The following SHANK2 variants were observed in gnomAD, a reference collection of about 807,000 sequenced individuals.
The protein encoded by SHANK2 is SH3 and multiple ankyrin repeat domains protein 2.
Under a neutral mutation model 133.7 loss-of-function variants are expected in SHANK2, and 43 were observed. The observed-to-expected ratio is 0.32, with a 90% confidence interval of 0.25 to 0.41. The LOEUF (loss-of-function observed/expected upper bound fraction) is 0.41, where lower values mean the gene tolerates loss of function less well. Among genes scored for constraint, SHANK2 ranks in the 10% least tolerant of loss-of-function variants. The pLI is 1.00. For synonymous variants in SHANK2, 1,017 were observed against 952.8 expected (o/e 1.07, Z -1.24); for missense variants, 1,994 against 2,235.8 (o/e 0.89, Z 2.18).
intron 6 of SHANK2, among the ~76,000 whole-genome samples, chr11:71,094,889 G>T (rs964772271): frequency 6.6e-6 from 1 of 152,228 alleles, no homozygotes; most frequent in African/African-American, 2.4e-5. Context: ...GCAGTGACAC[G>T]CAGGGCCACG....
At chr11:71,206,750 C>T (rs1954134296) in intron 2 of SHANK2, among the ~76,000 whole-genome samples, 1 of 152,120 alleles carries the variant, frequency 6.6e-6, no homozygotes. Context: ...ACCTGGGCAA[C>T]ATAGCAAGAC....
At chr11:71,178,673 A>T (rs1953491521) in intron 2 of SHANK2, among the ~76,000 whole-genome samples, 1 of 149,474 alleles carries the variant, frequency 6.7e-6, no homozygotes, top group Non-Finnish European at 1.5e-5. Context: ...AAGTAACTGG[A>T]TACAAAAAAG....
chr11:70,914,717 T>C (rs142212633), intron 10 of SHANK2, among the ~76,000 whole-genome samples: 107 of 145,528 alleles, frequency 7.4e-4, no homozygotes, highest in South Asian at 7.2e-3. Flanking sequence ...TAAAATAAAA[T>C]AAAACAAAAC....
intron 22 of SHANK2, 122 bp downstream of exon 22, chr11:70,492,213 C>A: frequency 1.4e-6 from 2 of 1,437,548 alleles, no homozygotes; most frequent in Admixed American, 1.7e-5. Context: ...AGATTTGGGC[C>A]CCACCTCTGG....
intron 11 of SHANK2, 70 bp from the exon 12 acceptor site, chr11:70,820,752 G>C: frequency 1.7e-6 from 1 of 605,868 alleles, no homozygotes; most frequent in South Asian, 1.9e-5. Flanking sequence ...GGGGACCCTA[G>C]GGAGGTGCAG....
At chr11:70,898,119 T>C (rs1949965372) in intron 10 of SHANK2, among the ~76,000 whole-genome samples, 2 of 151,832 alleles carry the variant, frequency 1.3e-5, no homozygotes, top group African/African-American at 4.8e-5. Flanking sequence ...TGTGCCACCA[T>C]GTCTGGCTAA....
At chr11:71,071,985 G>A (rs935141141) in intron 9 of SHANK2, among the ~76,000 whole-genome samples, 93 of 152,144 alleles carry the variant, frequency 6.1e-4, no homozygotes, top group Non-Finnish European at 7.5e-4. Flanking sequence ...CCCAGCCCAC[G>A]CTGCTCTGCC....
At chr11:70,688,801 A>G (rs189788562) in intron 15 of SHANK2, among the ~76,000 whole-genome samples, 110 of 151,822 alleles carry the variant, frequency 7.2e-4, no homozygotes, top group Non-Finnish European at 1.2e-3. Context: ...CCCTTTCATG[A>G]CTCGGCAGGG....
intron 16 of SHANK2, 65 bp from the exon 17 acceptor site, chr11:70,660,017 C>A: frequency 6.2e-7 from 1 of 1,610,992 alleles, no homozygotes; most frequent in African/African-American, 1.3e-5. Flanking sequence ...CATTGCCTGA[C>A]CTCCCCACAG....
intron 17 of SHANK2, among the ~76,000 whole-genome samples, chr11:70,576,903 C>G (rs573043653): frequency 7.7e-4 from 118 of 152,316 alleles, no homozygotes; most frequent in African/African-American, 2.7e-3. Context: ...AACAAGGACA[C>G]AGCAGGCAGG....
At chr11:71,223,754 T>C (rs1954596108) in intron 2 of SHANK2, among the ~76,000 whole-genome samples, 1 of 152,160 alleles carries the variant, frequency 6.6e-6, no homozygotes, top group Non-Finnish European at 1.5e-5. Flanking sequence ...GGCAGGCCCG[T>C]GCAGCTGAGA....
At chr11:70,886,404 G>A (rs575871202) in intron 11 of SHANK2, among the ~76,000 whole-genome samples, 3 of 152,266 alleles carry the variant, frequency 2.0e-5, no homozygotes, top group African/African-American at 4.8e-5. Context: ...ACTCAATAAC[G>A]GGGACCCCGA....
intron 2 of SHANK2, among the ~76,000 whole-genome samples, chr11:71,209,790 C>A (rs781943513): frequency 1.4e-4 from 21 of 152,154 alleles, no homozygotes; most frequent in Non-Finnish European, 3.1e-4. Context: ...AGAGCACCTG[C>A]CGTGAGCTGC....
rs544178651 is a variant in SHANK2, at chr11:70,487,789, G to A, written c.2573-69C>T. ...AAAGCCTAAGTTCCTAGGAACGTGC[G>A]ATACGCTACATCTCCACAAACTCAC... On this transcript the variant is annotated intron_variant, in intron 24 of 25. Transcript: ENST00000601538. This position sits in a 1 kb window ranked among gnomAD's most constrained non-coding sequence, Gnocchi z 5.8. 129 of 1,549,450 alleles carry A rather than the reference G, an allele frequency of 8.3e-5. No homozygotes were observed. The African/African-American group carries it at 9.3e-4, about 11-fold the overall frequency.
chr11:70,838,525 T>C (rs751471373), intron 11 of SHANK2, among the ~76,000 whole-genome samples: 51 of 152,136 alleles, frequency 3.4e-4, no homozygotes, highest in South Asian at 2.1e-4. Flanking sequence ...TGAGGCTTTG[T>C]TGGGGGAGTC....
chr11:71,236,382 C>T (rs782328972), intron 1 of SHANK2, among the ~76,000 whole-genome samples: 4 of 152,212 alleles, frequency 2.6e-5, no homozygotes, highest in Non-Finnish European at 5.9e-5. Context: ...GCTGAGAAGG[C>T]TGGCAGATCA....
intron 2 of SHANK2, among the ~76,000 whole-genome samples, chr11:71,214,974 G>A (rs965171196): frequency 2.0e-5 from 3 of 152,174 alleles, no homozygotes; most frequent in East Asian, 3.9e-4. Context: ...ATAGGGCTGC[G>A]TGGCGGTTTC....
At chr11:70,645,902 C>A (rs2061253618) in intron 17 of SHANK2, among the ~76,000 whole-genome samples, 1 of 152,176 alleles carries the variant, frequency 6.6e-6, no homozygotes, top group South Asian at 2.1e-4. Flanking sequence ...TGCCCTGTCA[C>A]TCCCTCATCA....
chr11:70,855,187 T>A lies in SHANK2; in HGVS notation c.1175-34505A>T, dbSNP rs183685651. The stretch of plus-strand genomic sequence containing the variant: ...ATGATGAGGGATAATTAAAACAGCT[T>A]CCCTGCACGTTCTCCTCCCTCATCC... On this transcript the variant is annotated intron_variant, in intron 11 of 25. Coordinates refer to ENST00000601538, the MANE Select transcript of SHANK2 (RefSeq NM_012309.5). Among the ~76,000 whole-genome samples, 341 of 152,336 alleles carry A rather than the reference T, an allele frequency of 2.2e-3. 1 individual carries two copies. Among genetic ancestry groups the A allele is most frequent in the Admixed American group, 7.2e-3 (110 of 15,306 alleles).
Sources: allele counts gnomAD v4.1 joint callset (sites outside exome capture counted in the v4.1 genomes callset), GRCh38; gene constraint gnomAD v4.1.1; non-coding constraint Gnocchi (gnomAD v3.1); transcripts MANE v1.5; gene names NCBI Gene and HGNC (gene_info 2026-07-23, HGNC 2026-07-21).